Variants in MAPK11 observed in about 807,000 individuals in gnomAD.
MAPK11 encodes the protein MAP kinase 11.
In MAPK11, 44 loss-of-function variants were observed where a neutral mutation model predicts 52.2. The ratio of observed to expected loss-of-function variants is 0.84; its 90% CI spans 0.66 to 1.08. The LOEUF is 1.08. MAPK11 is among the 50% of genes least tolerant of loss of function. The probability of loss-of-function intolerance (pLI) is 0.00; values close to 1 mark genes in which losing one functional copy is unlikely to be tolerated. For missense variants in MAPK11, 436 were observed against 494.7 expected, an observed-to-expected ratio of 0.88 and a Z score of 1.13; for synonymous variants, 233 against 206.3, an observed-to-expected ratio of 1.13 and a Z score of -1.11.
At chr22:50,265,526 C>G (rs200737689) in intron 10 of MAPK11, 32 bp from the exon 11 acceptor site, 1 of 1,612,796 alleles carries the variant, frequency 6.2e-7, no homozygotes, top group Non-Finnish European at 8.5e-7. Context: ...GGAGGGGGGT[C>G]AGCTGTACAT....
chr22:50,265,409 G>A lies in MAPK11; in HGVS notation c.927C>T (p.Ser309=). The A allele has an allele frequency of 6.2e-7, 1 of 1,613,148 alleles. No individual in the cohort carries two copies. Among genetic ancestry groups the A allele is most frequent in the Non-Finnish European group, 8.5e-7 (1 of 1,180,002 alleles). ...AAEALAHAYF[S]QYHDPEDEPE... is the part of the protein sequence containing the mutation. ...GCTCATCCTCGGGGTCGTGGTACTG[G>A]CTGAAGTAGGCGTGGGCCAGTGCCT... Residue 309 remains serine, a synonymous_variant, in exon 11 of 12, where the codon AGC becomes AGT. Coordinates refer to ENST00000330651, the MANE Select transcript of MAPK11 (RefSeq NM_002751.7).
chr22:50,267,814 G>T lies in MAPK11; in HGVS notation c.246+6C>A. ...GCCCTCCCCCCACGGCCCTCCCCCG[G>T]CTCACGTTCTCGTGCTTCAGGTGCT... On this transcript the variant is annotated splice_donor_region_variant and intron_variant, in intron 2 of 11. Coordinates refer to ENST00000330651, the MANE Select transcript of MAPK11 (RefSeq NM_002751.7). 6.5e-7 allele frequency: 1 copy of T among 1,534,372 alleles called. No individual in the cohort carries two copies. The highest frequency in any genetic ancestry group is 8.8e-7 in the Non-Finnish European group (1 of 1,142,514).
rs760030767 is a variant in MAPK11 at position 50,265,039 on chromosome 22, A to C, written c.1016-12T>G. On this transcript the variant is annotated splice_polypyrimidine_tract_variant and intron_variant, in intron 11 of 11. Coordinates refer to ENST00000330651, the MANE Select transcript of MAPK11 (RefSeq NM_002751.7). ...CTGGTAAGTGAGCTCTAGGAGGTGA[A>C]GGGAAAGGGTGAGCTTGTGCCTCCC... 2.5e-6 allele frequency: 4 copies of C among 1,609,892 alleles called. No individual in the cohort carries two copies. The South Asian group carries it at 4.4e-5, about 18-fold the overall frequency.
Position 50,264,178 on chromosome 22 carries a change from A to C in MAPK11, c.*770T>G, listed in dbSNP as rs878900253. Reference sequence around the variant, plus strand: ...GCCAGTCTGAAACACCCCTCAAGGCATCAGGAACCGAGGAGAGGGAAGGCA... The same window carrying C: ...GCCAGTCTGAAACACCCCTCAAGGCCTCAGGAACCGAGGAGAGGGAAGGCA... On this transcript the variant is annotated 3_prime_UTR_variant, in exon 12 of 12. Transcript: ENST00000330651. 6.6e-6 allele frequency: 1 copy of C among 152,288 alleles called. No homozygotes were observed. Among genetic ancestry groups the C allele is most frequent in the East Asian group, 1.9e-4 (1 of 5,178 alleles). The allele number at this position is 152,288 out of a possible 1,614,324, so 9.4% of individuals were successfully genotyped here.
At position 50,264,152 on chromosome 22, in the gene MAPK11, C is replaced by T. The variant is rs200696650; in HGVS notation, c.*796G>A. 2 of 151,910 alleles carry T rather than the reference C, an allele frequency of 1.3e-5. No homozygotes were observed. The highest frequency in any genetic ancestry group is 2.9e-5 in the Non-Finnish European group (2 of 68,002). The allele number at this position is 151,910 out of a possible 1,614,324, so 9.4% of individuals were successfully genotyped here. On this transcript the variant is annotated 3_prime_UTR_variant, in exon 12 of 12. Transcript: ENST00000330651. ...TGGTTGCCCTTTGGCCCACTGGAGC[C>T]GCCAGTCTGAAACACCCCTCAAGGC...
Position 50,270,242 on chromosome 22 carries a change from C to T in MAPK11, c.51G>A (p.Val17=), listed in dbSNP as rs1392751144. 2.0e-6 allele frequency: 3 copies of T among 1,508,528 alleles called. No homozygotes were observed. In the South Asian group the frequency reaches 3.7e-5, roughly 19 times the overall value. The allele number at this position is 1,508,528 out of a possible 1,614,324, so 93.4% of individuals were successfully genotyped here. A position where few individuals can be genotyped will look rare whatever the true frequency, so the allele number is the denominator to read the frequency against. ...CCTGCAGCCGCTGCGGCACCTCCCA[C>T]ACGGTCTTGTTCAGCTCCTGCCGGT... ...GFYRQELNKT[V]WEVPQRLQGL... Residue 17 remains valine (V), a synonymous_variant, in exon 1 of 12, where the codon GTG becomes GTA. Transcript: ENST00000330651. This position sits in a 1 kb window ranked among gnomAD's most constrained non-coding sequence, Gnocchi z 6.3.
Position 50,266,436 on chromosome 22 carries a change from T to C in MAPK11, c.682+104A>G, listed in dbSNP as rs574472101. Reference sequence around the variant, plus strand: ...ATGGCCAGCCCAAAGTAGCATAGCATGGGGGGCAGAGGAGGCAAGACCCGC... The same window carrying C: ...ATGGCCAGCCCAAAGTAGCATAGCACGGGGGGCAGAGGAGGCAAGACCCGC... On this transcript the variant is annotated intron_variant, in intron 8 of 11. Transcript: ENST00000330651. 7 of 1,379,796 alleles carry C rather than the reference T, an allele frequency of 5.1e-6. No homozygotes were observed. In the Admixed American group the frequency reaches 8.9e-5, roughly 17 times the overall value. The allele number at this position is 1,379,796 out of a possible 1,614,324, so 85.5% of individuals were successfully genotyped here.
At chr22:50,265,976 G>T (rs893379263) in intron 9 of MAPK11, among the ~76,000 whole-genome samples, 1 of 138,138 alleles carries the variant, frequency 7.2e-6, no homozygotes, top group Non-Finnish European at 1.6e-5. Context: ...TGGGCCCCCA[G>T]CCCACCCCCA....
rs1364819785 is a variant in MAPK11, at chr22:50,270,240, C to T, written c.53G>A (p.Trp18Ter). ...FYRQELNKTV[W>*]EVPQRLQGLR... ...CCCCTGCAGCCGCTGCGGCACCTCC[C>T]ACACGGTCTTGTTCAGCTCCTGCCG... The change falls in exon 1 of 12, where the codon TGG becomes TAG. Residue 18 changes from tryptophan to a stop codon, truncating the protein, a stop_gained. Coordinates refer to ENST00000330651, the MANE Select transcript of MAPK11 (RefSeq NM_002751.7). LOFTEE classifies it high-confidence loss of function. This position sits in a 1 kb window ranked among gnomAD's most constrained non-coding sequence, Gnocchi z 6.3. The T allele has an allele frequency of 1.3e-6, 2 of 1,509,008 alleles. No homozygotes were observed. The highest frequency in any genetic ancestry group is 1.8e-6 in the Non-Finnish European group (2 of 1,134,638). 93.5% of individuals were successfully genotyped at this position (1,509,008 alleles called of 1,614,324 possible).
At position 50,267,026 on chromosome 22, in the gene MAPK11, C is replaced by G. The variant is rs1239677114; in HGVS notation, c.518G>C (p.Arg173Pro). 3.1e-6 allele frequency: 5 copies of G among 1,612,190 alleles called. No individual in the cohort carries two copies. Among genetic ancestry groups the G allele is most frequent in the African/African-American group, 1.3e-5 (1 of 74,918 alleles). ...GCCGGTCATCTCCTCGTCCGCCTGG[C>G]GCGCCAGCCCAAAATCCAGGATCTG... is the stretch of plus-strand genomic sequence containing the variant. ...ELRILDFGLA[R>P]QADEEMTGYV... Residue 173 changes from arginine to proline, a missense_variant, in exon 7 of 12, where the codon CGC (arginine) becomes CCC (proline). Arg to Pro is a moderately radical substitution (Grantham distance 103). Coordinates refer to ENST00000330651, the MANE Select transcript of MAPK11 (RefSeq NM_002751.7).
At chr22:50,267,098 C>T (rs1474004605) in intron 6 of MAPK11, 29 bp downstream of exon 6, 1 of 1,610,974 alleles carries the variant, frequency 6.2e-7, no homozygotes, top group South Asian at 1.1e-5. Flanking sequence ...TCCGCCGCCG[C>T]CCTGCCCACC....
intron 1 of MAPK11, among the ~76,000 whole-genome samples, chr22:50,269,112 C>A (rs35232755): frequency 0.13 from 20,005 of 152,134 alleles, 1,370 homozygotes; most frequent in Admixed American, 0.19. Context: ...CAGCCATGAC[C>A]CACCCTAGTC....
chr22:50,268,517 G>A (rs747777315), intron 1 of MAPK11, among the ~76,000 whole-genome samples: 10 of 152,182 alleles, frequency 6.6e-5, no homozygotes, highest in Non-Finnish European at 1.3e-4. Flanking sequence ...ACAGCTGAGG[G>A]CGTCAGCTGG....
rs1220452240 is a variant in MAPK11 at position 50,267,807 on chromosome 22, TC to T, written c.246+12del. The stretch of plus-strand genomic sequence containing the variant: ...CGCACGCGCCCTCCCCCCACGGCCC[TC>T]CCCCGGCTCACGTTCTCGTGCTTCA... On this transcript the variant is annotated intron_variant, in intron 2 of 11. Coordinates refer to ENST00000330651, the MANE Select transcript of MAPK11 (RefSeq NM_002751.7). 1.5e-6 allele frequency: 2 copies of T among 1,357,290 alleles called. No homozygotes were observed. Among genetic ancestry groups the T allele is most frequent in the Non-Finnish European group, 2.0e-6 (2 of 1,013,268 alleles). The allele number at this position is 1,357,290 out of a possible 1,614,324, so 84.1% of individuals were successfully genotyped here.
At chr22:50,268,262 A>T (rs742186) in intron 1 of MAPK11, among the ~76,000 whole-genome samples, 29 of 152,058 alleles carry the variant, frequency 1.9e-4, no homozygotes, top group Middle Eastern at 3.4e-3. Flanking sequence ...GCTGGGGGAG[A>T]GGTGCCCCAT....
Position 50,270,223 on chromosome 22 carries a change from G to A in MAPK11, c.70C>T (p.Leu24=), listed in dbSNP as rs2065298092. ...GAGCCCACCGGGCGCAGCCCCTGCAGCCGCTGCGGCACCTCCCACACGGTC... is the reference window on the plus strand; with the variant it reads ...GAGCCCACCGGGCGCAGCCCCTGCAACCGCTGCGGCACCTCCCACACGGTC... ...NKTVWEVPQR[L]QGLRPVGSGA... The change falls in exon 1 of 12, where the codon CTG becomes TTG. Residue 24 remains leucine, a synonymous_variant. Coordinates refer to ENST00000330651, the MANE Select transcript of MAPK11 (RefSeq NM_002751.7). This position sits in a 1 kb window ranked among gnomAD's most constrained non-coding sequence, Gnocchi z 6.3. 15 of 1,508,270 alleles carry A rather than the reference G, an allele frequency of 9.9e-6. No homozygotes were observed. The highest frequency in any genetic ancestry group is 1.2e-5 in the Non-Finnish European group (14 of 1,134,460). The allele number at this position is 1,508,270 out of a possible 1,614,324, so 93.4% of individuals were successfully genotyped here. A position where few individuals can be genotyped will look rare whatever the true frequency, so the allele number is the denominator to read the frequency against.
In MAPK11 at chr22:50,264,757, T is replaced by C; in HGVS notation, c.*191A>G. The C allele has an allele frequency of 1.8e-6, 1 of 562,392 alleles. No individual in the cohort carries two copies. Among genetic ancestry groups the C allele is most frequent in the Non-Finnish European group, 3.2e-6 (1 of 312,788 alleles). 34.8% of individuals were successfully genotyped at this position (562,392 alleles called of 1,614,324 possible). ...ACACTTGTGCCCAGACTCCTACACA[T>C]GGCAAGCACATGTACACACATGTTT... On this transcript the variant is annotated 3_prime_UTR_variant, in exon 12 of 12. Transcript: ENST00000330651.
intron 9 of MAPK11, 53 bp downstream of exon 9, chr22:50,266,173 G>A: frequency 7.1e-7 from 1 of 1,409,992 alleles, no homozygotes; most frequent in Non-Finnish European, 9.7e-7. Flanking sequence ...CCCCCAGAGA[G>A]CCTGGGGGCT....
Position 50,267,470 on chromosome 22 carries a change from G to A in MAPK11, c.318C>T (p.Thr106=). The A allele has an allele frequency of 6.2e-7, 1 of 1,606,950 alleles. No homozygotes were observed. Among genetic ancestry groups the A allele is most frequent in the Non-Finnish European group, 8.5e-7 (1 of 1,177,354 alleles). The change falls in exon 4 of 12, where the codon ACC becomes ACT. Residue 106 remains threonine (T), a synonymous_variant. Transcript: ENST00000330651. ...TGTTCAGGTCGGCGCCCATCAGGGTGGTCACCAAGTACCTGGGGCGGGGTC... is the reference window on the plus strand; with the variant it reads ...TGTTCAGGTCGGCGCCCATCAGGGTAGTCACCAAGTACCTGGGGCGGGGTC... ...IEDFSEVYLV[T]TLMGADLNNI...
Sources: gnomAD v4.1 joint callset for allele counts (sites outside exome capture counted in the v4.1 genomes callset) on GRCh38, gnomAD v4.1.1 for gene constraint, Gnocchi (gnomAD v3.1) non-coding constraint, MANE v1.5 for transcripts, NCBI Gene and HGNC (gene_info 2026-07-23, HGNC 2026-07-21) for gene names.